Variants in CLEC16A observed in about 807,000 individuals in gnomAD.
The protein encoded by CLEC16A is protein CLEC16A.
A neutral mutation model predicts 109.5 loss-of-function variants in CLEC16A; 51 were observed. The ratio of observed to expected loss-of-function variants is 0.47; its 90% confidence interval spans 0.37 to 0.59. The LOEUF (loss-of-function observed/expected upper bound fraction) is 0.59, where lower values mean the gene tolerates loss of function less well. CLEC16A is among the 20% of genes least tolerant of loss of function. The pLI, the probability that CLEC16A is intolerant of heterozygous loss-of-function variation, is 0.00. For synonymous variants in CLEC16A, 673 were observed against 564.2 expected, an observed-to-expected ratio of 1.19 and a Z score of -2.73; for missense variants, 1,339 against 1,394.0, an observed-to-expected ratio of 0.96 and a Z score of 0.63.
At chr16:11,150,726 A>G (rs1411420840) in intron 22 of CLEC16A, among the ~76,000 whole-genome samples, 1 of 152,218 alleles carries the variant, frequency 6.6e-6, no homozygotes. Flanking sequence ...TGGCATAAAC[A>G]GCAGAAATTG....
intron 19 of CLEC16A, among the ~76,000 whole-genome samples, chr16:11,067,193 T>TC: frequency 6.9e-6 from 1 of 144,870 alleles, no homozygotes; most frequent in East Asian, 2.0e-4. Flanking sequence ...GTTTTTGTTT[T>TC]TTTTTTTTTT....
intron 14 of CLEC16A, 125 bp from the exon 15 acceptor site, chr16:11,042,129 T>G: frequency 1.5e-6 from 1 of 647,882 alleles, no homozygotes; most frequent in Non-Finnish European, 2.7e-6. Context: ...CCCCACTGGA[T>G]GTTGGGAGCC....
chr16:10,965,509 G>A (rs970770552), intron 3 of CLEC16A, among the ~76,000 whole-genome samples: 7 of 152,042 alleles, frequency 4.6e-5, no homozygotes, highest in Admixed American at 1.3e-4. Flanking sequence ...TCATTGTCCC[G>A]TTCTGTAACC....
intron 19 of CLEC16A, among the ~76,000 whole-genome samples, chr16:11,104,633 AG>A (rs2051111630): frequency 6.6e-6 from 1 of 152,178 alleles, no homozygotes; most frequent in Non-Finnish European, 1.5e-5. Context: ...GAGGAAGGAG[AG>A]GTGGGCCCAT....
intron 19 of CLEC16A, among the ~76,000 whole-genome samples, chr16:11,072,433 A>T (rs2049127681): frequency 6.6e-6 from 1 of 152,250 alleles, no homozygotes; most frequent in African/African-American, 2.4e-5. Context: ...CTATTCTTTA[A>T]ACTTTTATGA....
chr16:11,053,917 A>C (rs2048076705), intron 18 of CLEC16A, among the ~76,000 whole-genome samples: 1 of 152,252 alleles, frequency 6.6e-6, no homozygotes, highest in Admixed American at 6.5e-5. Context: ...AAGTGGGAAG[A>C]GACAGTGGCA....
chr16:10,975,083 C>T (rs768952555), intron 7 of CLEC16A, among the ~76,000 whole-genome samples: 19 of 152,194 alleles, frequency 1.2e-4, no homozygotes, highest in Non-Finnish European at 2.1e-4. Context: ...TGGCTCACAC[C>T]TGTAATCCCA....
chr16:11,024,992 C>A, intron 13 of CLEC16A, 71 bp downstream of exon 13: 1 of 1,124,890 alleles, frequency 8.9e-7, no homozygotes, highest in Non-Finnish European at 1.3e-6. Flanking sequence ...CCCTCTGCTG[C>A]ATGGAGGACA....
At chr16:11,138,968 A>G (rs1411146650) in intron 22 of CLEC16A, among the ~76,000 whole-genome samples, 1 of 147,928 alleles carries the variant, frequency 6.8e-6, no homozygotes, top group Admixed American at 8.4e-5. Context: ...AGAAACTAAC[A>G]GGATTTGGTG....
chr16:11,131,775 C>G (rs2053223452), intron 22 of CLEC16A, among the ~76,000 whole-genome samples: 1 of 152,188 alleles, frequency 6.6e-6, no homozygotes, highest in South Asian at 2.1e-4. Flanking sequence ...GCCCATGGTC[C>G]CATGCAGTCT....
At position 11,067,091 on chromosome 16, in the gene CLEC16A, G is replaced by A. The variant is rs1175793180; in HGVS notation, c.2116+6069G>A. ...ACGAGGGTAGTCTTTCCAAGAAACA[G>A]TAGTGGCAACTGTATACACACATAC... is the stretch of plus-strand genomic sequence containing the variant. On this transcript the variant is annotated intron_variant, in intron 19 of 23. Transcript: ENST00000409790. Among the ~76,000 whole-genome samples the A allele has an allele frequency of 2.0e-5, 3 of 150,938 alleles. No individual in the cohort carries two copies. In the South Asian group the frequency reaches 6.3e-4, roughly 32 times the overall value.
At chr16:11,144,087 C>G (rs1414985555) in intron 22 of CLEC16A, among the ~76,000 whole-genome samples, 16 of 152,196 alleles carry the variant, frequency 1.1e-4, no homozygotes, top group Admixed American at 1.0e-3. Flanking sequence ...GAGAGTGCCT[C>G]CTAGCCCTGT....
At chr16:11,033,129 C>G (rs1390419431) in intron 13 of CLEC16A, among the ~76,000 whole-genome samples, 1 of 152,052 alleles carries the variant, frequency 6.6e-6, no homozygotes, top group Non-Finnish European at 1.5e-5. Flanking sequence ...TATTTCAGCG[C>G]TAGAGCCAGG....
Position 10,958,643 on chromosome 16 carries a change from C to T in CLEC16A, c.209+733C>T, listed in dbSNP as rs372778621. On this transcript the variant is annotated intron_variant, in intron 2 of 23. Coordinates refer to ENST00000409790, the MANE Select transcript of CLEC16A (RefSeq NM_015226.3). Reference sequence around the variant, plus strand: ...GGGCCGCCAGGCGCGGTGGCTCACACCTGTAATCCCAGCACTTTGGGAGGC... The same window carrying T: ...GGGCCGCCAGGCGCGGTGGCTCACATCTGTAATCCCAGCACTTTGGGAGGC... Among the ~76,000 whole-genome samples, 24 of 152,328 alleles carry T rather than the reference C, an allele frequency of 1.6e-4. No individual in the cohort carries two copies. The East Asian group carries it at 4.2e-3, about 27-fold the overall frequency.
intron 22 of CLEC16A, among the ~76,000 whole-genome samples, chr16:11,152,109 G>A (rs1711972923): frequency 2.0e-5 from 3 of 152,196 alleles, no homozygotes. Context: ...GGCCAGCTTA[G>A]CACAGAGACC....
At chr16:11,088,087 C>A (rs960709861) in intron 19 of CLEC16A, among the ~76,000 whole-genome samples, 2 of 152,234 alleles carry the variant, frequency 1.3e-5, no homozygotes, top group Non-Finnish European at 2.9e-5. Context: ...GGCTCTCTGT[C>A]TCGAAAGGGG....
rs568625862 is a variant in CLEC16A at position 11,058,080 on chromosome 16, A to G, written c.1996-2822A>G. Among the ~76,000 whole-genome samples, 62 of 152,336 alleles carry G rather than the reference A, an allele frequency of 4.1e-4. 1 individual carries two copies. The South Asian group carries it at 6.4e-3, about 16-fold the overall frequency. On this transcript the variant is annotated intron_variant, in intron 18 of 23. Coordinates refer to ENST00000409790, the MANE Select transcript of CLEC16A (RefSeq NM_015226.3). Reference sequence around the variant, plus strand: ...ATTTACAGAGTTGTGGGGCTGCCCAATGTGCCTACCAGGCCCTTATAACCC... The same window carrying G: ...ATTTACAGAGTTGTGGGGCTGCCCAGTGTGCCTACCAGGCCCTTATAACCC...
chr16:11,051,470 A>G, intron 17 of CLEC16A, 43 bp from the exon 18 acceptor site: 1 of 1,586,156 alleles, frequency 6.3e-7, no homozygotes. Context: ...CCTCCTTCCA[A>G]GTAAGGAATC....
chr16:11,043,442 A>G (rs564721917), intron 15 of CLEC16A, among the ~76,000 whole-genome samples: 8 of 152,194 alleles, frequency 5.3e-5, no homozygotes, highest in East Asian at 1.9e-4. Context: ...CATGATGGCC[A>G]TATTTTATAA....
Sources: allele counts gnomAD v4.1 joint callset (sites outside exome capture counted in the v4.1 genomes callset), GRCh38; gene constraint gnomAD v4.1.1; transcripts MANE v1.5; gene names NCBI Gene and HGNC (gene_info 2026-07-23, HGNC 2026-07-21).